SLCO4A1: variants seen among roughly 807,000 people sequenced by gnomAD.
SLCO4A1 encodes the protein solute carrier organic anion transporter family member 4A1.
In SLCO4A1, 51 loss-of-function variants were observed where a neutral mutation model predicts 64.6. The ratio of observed to expected loss-of-function variants is 0.79; its 90% CI spans 0.63 to 1.00. The LOEUF (loss-of-function observed/expected upper bound fraction) is 1.00. Ranked by LOEUF, SLCO4A1 falls within the 50% of genes least tolerant of loss-of-function variation. The pLI is 0.00. For synonymous variants in SLCO4A1, 471 were observed against 444.9 expected (o/e 1.06, Z -0.74); for missense variants, 919 against 980.5 (o/e 0.94, Z 0.84).
intron 1 of SLCO4A1, among the ~76,000 whole-genome samples, chr20:62,643,913 A>C (rs1038548849): frequency 1.3e-5 from 2 of 152,178 alleles, no homozygotes; most frequent in African/African-American, 4.8e-5. Context: ...AGATGAGTAA[A>C]CTGAGGCACC....
chr20:62,685,639 G>A lies in SLCO4A1; in HGVS notation n.410G>A, dbSNP rs538815888. ...AATGCATTTGCTTCCGATGCCCAGGGCACGAAAGAGGTGGACGAAACAACG... is the reference window on the plus strand; with the variant it reads ...AATGCATTTGCTTCCGATGCCCAGGACACGAAAGAGGTGGACGAAACAACG... On this transcript the variant is annotated non_coding_transcript_exon_variant, in exon 3 of 3. Transcript: ENST00000466818. This position sits in a 1 kb window ranked among gnomAD's most constrained non-coding sequence, Gnocchi z 4.6. The A allele has an allele frequency of 1.5e-3, 262 of 176,510 alleles. 1 individual carries two copies. The highest frequency in any genetic ancestry group is 2.3e-3 in the Non-Finnish European group (204 of 90,208). 10.9% of individuals were successfully genotyped at this position (176,510 alleles called of 1,614,324 possible). A position where few individuals can be genotyped will look rare whatever the true frequency, so the allele number is the denominator to read the frequency against.
chr20:62,670,584 T>G (rs1987077288), intron 11 of SLCO4A1, among the ~76,000 whole-genome samples: 1 of 152,230 alleles, frequency 6.6e-6, no homozygotes, highest in African/African-American at 2.4e-5. Flanking sequence ...CACAGGGGTC[T>G]CAGTGTCTGC....
In SLCO4A1 at chr20:62,644,196, CTG is replaced by C; in HGVS notation, c.-97+1646_-97+1647del. 6.6e-6 allele frequency among the ~76,000 whole-genome samples: 1 copy of C among 152,254 alleles called. No individual in the cohort carries two copies. ...CGAGACCACACAGCCCGACTTCCCT[CTG>C]TGCTGCTGGAGGGAGCCAGGGCAGA... On this transcript the variant is annotated intron_variant, in intron 1 of 11. Transcript: ENST00000217159. The surrounding 1 kb of genome is among the most constrained non-coding windows in gnomAD (Gnocchi z 5.4).
In SLCO4A1 at chr20:62,664,934, C is replaced by T. The variant is rs1804533304; in HGVS notation, c.1122C>T (p.Leu374=). ...DFGKTIRDLP[L]SIWLLLKNPT... ...TCTCCACACCCCCACCTCTGCCCAGCTCCATCTGGCTCCTGCTGAAGAACC... is the reference window on the plus strand; with the variant it reads ...TCTCCACACCCCCACCTCTGCCCAGTTCCATCTGGCTCCTGCTGAAGAACC... The change falls in exon 6 of 12, where the codon CTC becomes CTT. Residue 374 remains leucine, a splice_region_variant and synonymous_variant. Coordinates refer to ENST00000217159, the MANE Select transcript of SLCO4A1 (RefSeq NM_016354.4). The T allele has an allele frequency of 6.2e-7, 1 of 1,604,160 alleles. No individual in the cohort carries two copies. The highest frequency in any genetic ancestry group is 8.5e-7 in the Non-Finnish European group (1 of 1,175,298).
chr20:62,660,359 G>A (rs1267486548), intron 3 of SLCO4A1, 53 bp from the exon 4 acceptor site: 1 of 1,580,688 alleles, frequency 6.3e-7, no homozygotes, highest in African/African-American at 1.3e-5. Context: ...TGTGTGCCAT[G>A]GAGGGCACAG....
Position 62,642,539 on chromosome 20 carries a change from C to G in SLCO4A1, c.-111C>G, listed in dbSNP as rs1407639937. ...CGCTGCGCGGCGCGGCGGCCGGGCCCTCGAGACGGGGACGGTGAGTGCGCG... is the reference window on the plus strand; with the variant it reads ...CGCTGCGCGGCGCGGCGGCCGGGCCGTCGAGACGGGGACGGTGAGTGCGCG... On this transcript the variant is annotated 5_prime_UTR_variant, in exon 1 of 12. Coordinates refer to ENST00000217159, the MANE Select transcript of SLCO4A1 (RefSeq NM_016354.4). The G allele has an allele frequency of 4.9e-6, 1 of 203,018 alleles. No homozygotes were observed. Among genetic ancestry groups the G allele is most frequent in the African/African-American group, 2.4e-5 (1 of 41,634 alleles). 12.6% of individuals were successfully genotyped at this position (203,018 alleles called of 1,614,324 possible).
At chr20:62,663,846 G>T (rs966248354) in intron 5 of SLCO4A1, among the ~76,000 whole-genome samples, 3 of 152,160 alleles carry the variant, frequency 2.0e-5, no homozygotes, top group Admixed American at 6.5e-5. Flanking sequence ...TGTCTGCCTC[G>T]ATCACTGCAC....
At chr20:62,689,459 G>A (rs1435328325), downstream of SLCO4A1, among the ~76,000 whole-genome samples, 2 of 152,222 alleles carry the variant, frequency 1.3e-5, no homozygotes, top group Admixed American at 6.5e-5. Context: ...CTGCCCGAAC[G>A]GACAGACGGA....
At chr20:62,675,197 G>T (rs1987530711), downstream of SLCO4A1, among the ~76,000 whole-genome samples, 1 of 152,162 alleles carries the variant, frequency 6.6e-6, no homozygotes, top group Admixed American at 6.5e-5. Flanking sequence ...CCAGGGAGCG[G>T]CCCCCAAAGC....
At chr20:62,670,775 T>C (rs1298952063) in intron 11 of SLCO4A1, among the ~76,000 whole-genome samples, 2 of 152,234 alleles carry the variant, frequency 1.3e-5, no homozygotes, top group Non-Finnish European at 2.9e-5. Flanking sequence ...CAGCAGCGCA[T>C]GCGTCCATGT....
rs560054716 is a variant in SLCO4A1, at chr20:62,678,034, G to C, written n.212-7407G>C. Among the ~76,000 whole-genome samples the C allele has an allele frequency of 5.9e-5, 9 of 152,346 alleles. 1 individual carries two copies. The South Asian group carries it at 1.2e-3, about 21-fold the overall frequency. ...CTGAGGGCCTCTGCTGTCAGTAAAG[G>C]CTTGAAAGAAAGTGAGGCAAAGGTT... On this transcript the variant is annotated intron_variant and non_coding_transcript_variant, in intron 2 of 2. Coordinates refer to the SLCO4A1 transcript ENST00000466818.
At chr20:62,687,995 T>C, downstream of SLCO4A1, among the ~76,000 whole-genome samples, 1 of 146,584 alleles carries the variant, frequency 6.8e-6, no homozygotes, top group African/African-American at 2.5e-5. Context: ...CTTCATTGCC[T>C]TCCAGGTCCC....
chr20:62,681,836 C>T (rs1024999444), intron 2 of SLCO4A1, among the ~76,000 whole-genome samples: 4 of 152,224 alleles, frequency 2.6e-5, no homozygotes, highest in Admixed American at 6.5e-5. Flanking sequence ...AAAAAAAATC[C>T]GTTTCTTTAA....
At chr20:62,656,002 C>A (rs560777736) in intron 1 of SLCO4A1, among the ~76,000 whole-genome samples, 1 of 152,336 alleles carries the variant, frequency 6.6e-6, no homozygotes, top group Non-Finnish European at 1.5e-5. Flanking sequence ...CTCTGCGTCT[C>A]AGCTCCACTC....
In SLCO4A1 at chr20:62,661,024, C is replaced by CCCCCAG. The variant is rs1254987678; in HGVS notation, c.1010-35_1010-30dup. The CCCCCAG allele has an allele frequency of 3.2e-5, 16 of 503,432 alleles. No homozygotes were observed. Among genetic ancestry groups the CCCCCAG allele is most frequent in the Admixed American group, 6.4e-5 (3 of 46,742 alleles). 31.2% of individuals were successfully genotyped at this position (503,432 alleles called of 1,614,324 possible). On this transcript the variant is annotated intron_variant, in intron 4 of 11. Transcript: ENST00000217159. The surrounding 1 kb of genome is among the most constrained non-coding windows in gnomAD (Gnocchi z 5.2). Reference sequence around the variant, plus strand: ...TCTCGGAGAAGTCCACCTCCGGGAGCCCCCAGCCCCCAGCCCCAGCTCACT... The same window carrying CCCCCAG: ...TCTCGGAGAAGTCCACCTCCGGGAGCCCCCAGCCCCAGCCCCCAGCCCCAGCTCACT...
chr20:62,669,915 C>T (rs1257331087), intron 11 of SLCO4A1: 2 of 152,240 alleles, frequency 1.3e-5, no homozygotes, highest in East Asian at 1.9e-4. Context: ...ACATACACCT[C>T]GGTTTCCCCC....
At chr20:62,681,553 C>T (rs1249215683) in intron 2 of SLCO4A1, among the ~76,000 whole-genome samples, 1 of 141,726 alleles carries the variant, frequency 7.1e-6, no homozygotes, top group South Asian at 2.3e-4. Flanking sequence ...TGTATTAAAC[C>T]GTGTGTACAC....
chr20:62,650,954 G>A (rs1029882007), intron 1 of SLCO4A1, among the ~76,000 whole-genome samples: 7 of 152,188 alleles, frequency 4.6e-5, no homozygotes, highest in African/African-American at 1.2e-4. Flanking sequence ...AGCTCAGAAC[G>A]GCACGCTCAG....
At chr20:62,657,583 G>A (rs1230154973) in intron 2 of SLCO4A1, among the ~76,000 whole-genome samples, 3 of 152,252 alleles carry the variant, frequency 2.0e-5, no homozygotes, top group Admixed American at 6.5e-5. Flanking sequence ...CAGGTCCAAT[G>A]GCGGCAGACC....
Sources: allele counts gnomAD v4.1 joint callset (sites outside exome capture counted in the v4.1 genomes callset), GRCh38; gene constraint gnomAD v4.1.1; non-coding constraint Gnocchi (gnomAD v3.1); transcripts MANE v1.5; gene names NCBI Gene and HGNC (gene_info 2026-07-23, HGNC 2026-07-21).